Variants in PDZD2 observed in about 807,000 individuals in gnomAD.
The protein encoded by PDZD2 is PDZ domain-containing protein 2.
PDZD2 carries 90 observed loss-of-function variants against 220.7 expected under a neutral mutation model. The ratio of observed to expected loss-of-function variants is 0.41; its 90% CI spans 0.34 to 0.49. The LOEUF is 0.49. Ranked by LOEUF, PDZD2 falls within the 20% of genes least tolerant of loss-of-function variation. The pLI is 0.28. For synonymous variants in PDZD2, 1,375 were observed against 1,450.5 expected, an observed-to-expected ratio of 0.95 and a Z score of 1.18; for missense variants, 3,174 against 3,608.5, an observed-to-expected ratio of 0.88 and a Z score of 3.08.
intron 7 of PDZD2, among the ~76,000 whole-genome samples, chr5:32,041,009 C>T (rs10038075): frequency 0.035 from 4,945 of 141,588 alleles, 383 homozygotes; most frequent in African/African-American, 0.13. Flanking sequence ...TCTGCCCGGC[C>T]GCCCCGTCTG....
intron 7 of PDZD2, among the ~76,000 whole-genome samples, chr5:32,042,466 G>C (rs755519774): frequency 1.2e-3 from 185 of 151,956 alleles, no homozygotes; most frequent in Admixed American, 2.9e-3. Context: ...CCAGCTACTC[G>C]GGAACCTGAG....
chr5:31,741,645 C>G (rs965633735), intron 1 of PDZD2, among the ~76,000 whole-genome samples: 4 of 152,146 alleles, frequency 2.6e-5, no homozygotes, highest in Non-Finnish European at 4.4e-5. Flanking sequence ...TGCCAAGTCT[C>G]TTGGAAGAGG....
chr5:31,868,679 C>CT (rs1358411517), intron 2 of PDZD2, among the ~76,000 whole-genome samples: 3 of 152,084 alleles, frequency 2.0e-5, no homozygotes, highest in Admixed American at 1.3e-4. Flanking sequence ...GCTGCTGCTG[C>CT]TTTTTCTAAT....
intron 7 of PDZD2, among the ~76,000 whole-genome samples, chr5:32,042,312 A>C (rs1286038101): frequency 6.6e-6 from 1 of 151,576 alleles, no homozygotes; most frequent in African/African-American, 2.4e-5. Flanking sequence ...CTGTAATCCC[A>C]GCACTTTGGG....
At chr5:31,865,096 C>A (rs1023985558) in intron 2 of PDZD2, among the ~76,000 whole-genome samples, 1 of 152,116 alleles carries the variant, frequency 6.6e-6, no homozygotes, top group Non-Finnish European at 1.5e-5. Context: ...ATCCGCCCGC[C>A]TCAGCCTCCC....
rs186461352 is a variant in PDZD2 at position 32,058,855 on chromosome 5, A to G, written c.2201-384A>G. ...TTTCCTCCCCACCTACTCTAGAAAC[A>G]TGATGGAAGATTAAACAACCAAGAG... On this transcript the variant is annotated intron_variant, in intron 12 of 24. Transcript: ENST00000438447. 1.4e-4 allele frequency among the ~76,000 whole-genome samples: 22 copies of G among 152,332 alleles called. No homozygotes were observed. The East Asian group carries it at 3.5e-3, about 24-fold the overall frequency.
At chr5:31,960,740 G>A (rs72759618) in intron 2 of PDZD2, among the ~76,000 whole-genome samples, 14,490 of 137,786 alleles carry the variant, frequency 0.11, 749 homozygotes, top group Middle Eastern at 0.15. Flanking sequence ...AGTAACCCGT[G>A]CTTCTGTTGA....
chr5:31,804,092 G>T lies in PDZD2; in HGVS notation c.476+4368G>T, dbSNP rs116222110. On this transcript the variant is annotated intron_variant, in intron 2 of 24. Coordinates refer to ENST00000438447, the MANE Select transcript of PDZD2 (RefSeq NM_178140.4). ...AATAAGAACATATAATGAAAACGCT[G>T]GGCTTCTGGAAACCTTTCACAGCTG... is the stretch of plus-strand genomic sequence containing the variant. Among the ~76,000 whole-genome samples, 633 of 152,030 alleles carry T rather than the reference G, an allele frequency of 4.2e-3. 4 individuals carry two copies. The highest frequency in any genetic ancestry group is 0.014 in the African/African-American group (575 of 41,476).
At position 31,862,104 on chromosome 5, in the gene PDZD2, T is replaced by TG. The variant is rs1191147485; in HGVS notation, c.476+62380_476+62381insG. Among the ~76,000 whole-genome samples the TG allele has an allele frequency of 2.8e-3, 138 of 49,030 alleles. 1 individual carries two copies. Among genetic ancestry groups the TG allele is most frequent in the African/African-American group, 9.7e-3 (132 of 13,674 alleles). The allele number at this position is 49,030 out of a possible 152,430, so 32.2% of individuals were successfully genotyped here. A position where few individuals can be genotyped will look rare whatever the true frequency, so the allele number is the denominator to read the frequency against. On this transcript the variant is annotated intron_variant, in intron 2 of 24. Transcript: ENST00000438447. Reference sequence around the variant, plus strand: ...AGACTCAATGTTTTTTTTTTGGGTTTTTTTTTTTTTTTTTTTTTTGAGATG... The same window carrying TG: ...AGACTCAATGTTTTTTTTTTGGGTTTGTTTTTTTTTTTTTTTTTTTGAGATG...
intron 2 of PDZD2, among the ~76,000 whole-genome samples, chr5:31,967,285 T>C (rs529757901): frequency 6.6e-6 from 1 of 152,276 alleles, no homozygotes; most frequent in African/African-American, 2.4e-5. Context: ...TCAAGTGCCT[T>C]CTGAGATACA....
chr5:31,693,221 G>T (rs1409238000), intron 1 of PDZD2, among the ~76,000 whole-genome samples: 1 of 148,756 alleles, frequency 6.7e-6, no homozygotes, highest in East Asian at 2.0e-4. Context: ...GGTGGGGGCA[G>T]GAGGATAGTG....
In PDZD2 at chr5:32,110,305, C is replaced by A. The variant is rs1168355947; in HGVS notation, c.*2170C>A. 6.6e-6 allele frequency: 1 copy of A among 152,646 alleles called. No homozygotes were observed. Among genetic ancestry groups the A allele is most frequent in the Non-Finnish European group, 1.5e-5 (1 of 68,044 alleles). 9.5% of individuals were successfully genotyped at this position (152,646 alleles called of 1,614,324 possible). ...ATATCTGGAGTACAAGGGTAGACCTCTGGCTTACCACATACACTATGCTAA... is the reference window on the plus strand; with the variant it reads ...ATATCTGGAGTACAAGGGTAGACCTATGGCTTACCACATACACTATGCTAA... On this transcript the variant is annotated 3_prime_UTR_variant, in exon 25 of 25. Coordinates refer to ENST00000438447, the MANE Select transcript of PDZD2 (RefSeq NM_178140.4).
At chr5:32,085,300 A>C (rs1250775569) in intron 19 of PDZD2, among the ~76,000 whole-genome samples, 1 of 148,240 alleles carries the variant, frequency 6.7e-6, no homozygotes. Flanking sequence ...CTTATGGAGC[A>C]CAAAGTGGTA....
chr5:31,862,840 C>T (rs1379015206), intron 2 of PDZD2, among the ~76,000 whole-genome samples: 2 of 152,174 alleles, frequency 1.3e-5, no homozygotes, highest in Non-Finnish European at 1.5e-5. Flanking sequence ...GATTCTTCTG[C>T]CTCAGCCTCC....
At chr5:31,798,385 T>C (rs949190640) in intron 1 of PDZD2, among the ~76,000 whole-genome samples, 1 of 152,196 alleles carries the variant, frequency 6.6e-6, no homozygotes, top group Non-Finnish European at 1.5e-5. Flanking sequence ...AGGCGGGATC[T>C]CTCCATGGTG....
intron 2 of PDZD2, among the ~76,000 whole-genome samples, chr5:31,859,989 T>G (rs967153909): frequency 1.3e-5 from 2 of 152,166 alleles, no homozygotes; most frequent in Non-Finnish European, 2.9e-5. Flanking sequence ...ATTAGCTCAT[T>G]GGTGGTTTCA....
chr5:32,049,208 G>A (rs986758792), intron 8 of PDZD2, among the ~76,000 whole-genome samples: 9 of 152,096 alleles, frequency 5.9e-5, no homozygotes, highest in South Asian at 2.1e-4. Flanking sequence ...ACCTGCTCCC[G>A]TCTGAGATCC....
chr5:31,948,756 C>T (rs1746889029), intron 2 of PDZD2, among the ~76,000 whole-genome samples: 1 of 151,880 alleles, frequency 6.6e-6, no homozygotes, highest in African/African-American at 2.4e-5. Flanking sequence ...TGTAACAGTC[C>T]CAGCTTTGAA....
rs1581463328 is a variant in PDZD2, at chr5:32,088,034, G to A, written c.4586G>A (p.Ser1529Asn). 6.2e-7 allele frequency: 1 copy of A among 1,614,200 alleles called. No homozygotes were observed. Among genetic ancestry groups the A allele is most frequent in the Non-Finnish European group, 8.5e-7 (1 of 1,180,022 alleles). ...AGCAACTACTCTAGAAATTTTAGCAGTTTTCATGAAGACAGCACCTCCCTA... is the reference window on the plus strand; with the variant it reads ...AGCAACTACTCTAGAAATTTTAGCAATTTTCATGAAGACAGCACCTCCCTA... The part of the protein sequence containing the change: ...FLSNYSRNFS[S>N]FHEDSTSLSG... Residue 1529 changes from serine to asparagine, a missense_variant, in exon 20 of 25, where the codon AGT becomes AAT. By Grantham distance (46) the Ser-to-Asn change is conservative. Around this residue, in one of 4 missense-constraint regions of PDZD2, gnomAD observed 1,861 missense variants for 2,001.0 expected, o/e 0.93. Transcript: ENST00000438447. The surrounding 1 kb of genome is among the most constrained non-coding windows in gnomAD (Gnocchi z 4.6).
Sources: allele counts gnomAD v4.1 joint callset (sites outside exome capture counted in the v4.1 genomes callset), GRCh38; gene constraint gnomAD v4.1.1; regional missense constraint gnomAD v4.1.1; non-coding constraint Gnocchi (gnomAD v3.1); transcripts MANE v1.5; gene names NCBI Gene and HGNC (gene_info 2026-07-23, HGNC 2026-07-21).